The following CFAP221 variants were observed in gnomAD, a reference collection of about 807,000 sequenced individuals.
The protein encoded by CFAP221 is cilia- and flagella-associated protein 221.
In CFAP221, 97 loss-of-function variants were observed where a neutral mutation model predicts 113.1. The ratio of observed to expected loss-of-function variants is 0.86; its 90% CI spans 0.73 to 1.02. CFAP221 has a LOEUF of 1.02. Among genes scored for constraint, CFAP221 ranks in the 50% least tolerant of loss-of-function variants. CFAP221 has a pLI of 0.00. For synonymous variants in CFAP221, 331 were observed against 354.4 expected, an observed-to-expected ratio of 0.93 and a Z score of 0.74; for missense variants, 1,025 against 1,013.4, an observed-to-expected ratio of 1.01 and a Z score of -0.16.
intron 13 of CFAP221, among the ~76,000 whole-genome samples, chr2:119,613,002 G>T (rs572521696): frequency 1.3e-5 from 2 of 152,348 alleles, no homozygotes; most frequent in Admixed American, 1.3e-4. Flanking sequence ...CCAAATGGGA[G>T]AAATTGGCCA....
chr2:119,637,715 A>T (rs1403859758), intron 19 of CFAP221, among the ~76,000 whole-genome samples: 1 of 152,186 alleles, frequency 6.6e-6, no homozygotes, highest in Non-Finnish European at 1.5e-5. Context: ...AAAAAACAGG[A>T]TCTCCCTTAA....
At chr2:119,547,032 T>C (rs1386159526) in intron 2 of CFAP221, among the ~76,000 whole-genome samples, 1 of 152,180 alleles carries the variant, frequency 6.6e-6, no homozygotes, top group Non-Finnish European at 1.5e-5. Context: ...GAGCTGGTGT[T>C]CAGCCACCAG....
chr2:119,585,460 A>G (rs1683147931), intron 6 of CFAP221, among the ~76,000 whole-genome samples: 1 of 152,214 alleles, frequency 6.6e-6, no homozygotes, highest in African/African-American at 2.4e-5. Context: ...GAAGAGGGAG[A>G]GAATTGGGGA....
intron 14 of CFAP221, among the ~76,000 whole-genome samples, chr2:119,623,592 G>A (rs1338127639): frequency 3.9e-5 from 6 of 152,176 alleles, no homozygotes; most frequent in Non-Finnish European, 5.9e-5. Flanking sequence ...AAAGCTGGAG[G>A]CATCATGCTA....
intron 12 of CFAP221, 42 bp downstream of exon 12, chr2:119,608,631 TG>T: frequency 6.5e-7 from 1 of 1,530,470 alleles, no homozygotes; most frequent in Non-Finnish European, 9.0e-7. Context: ...TTTCGCTAGA[TG>T]TTTTTAAATT....
intron 6 of CFAP221, among the ~76,000 whole-genome samples, chr2:119,585,811 G>A (rs1683183861): frequency 6.6e-6 from 1 of 152,170 alleles, no homozygotes; most frequent in African/African-American, 2.4e-5. Flanking sequence ...ATACACTGGA[G>A]ACCCAAATGG....
rs773882710 is a variant in CFAP221, at chr2:119,604,870, T to A, written c.913-6T>A. On this transcript the variant is annotated splice_polypyrimidine_tract_variant and splice_region_variant and intron_variant, in intron 9 of 23. Transcript: ENST00000413369. ...AACTGATTTCCCTATTGATTTGGTC[T>A]CTTAGGAAATTGAGTACCAGAACCT... 1 of 1,613,920 alleles carries A rather than the reference T, an allele frequency of 6.2e-7. No individual in the cohort carries two copies. The highest frequency in any genetic ancestry group is 8.5e-7 in the Non-Finnish European group (1 of 1,179,902).
chr2:119,615,311 C>T (rs1411675979), intron 13 of CFAP221, among the ~76,000 whole-genome samples: 5 of 152,200 alleles, frequency 3.3e-5, no homozygotes, highest in Non-Finnish European at 5.9e-5. Context: ...GTCAGCACCA[C>T]CACATGGGAT....
chr2:119,605,603 A>G (rs1158805222), intron 11 of CFAP221, among the ~76,000 whole-genome samples: 2 of 151,952 alleles, frequency 1.3e-5, no homozygotes, highest in African/African-American at 4.8e-5. Flanking sequence ...TCTCACCCCC[A>G]TCATCCTCCA....
intron 21 of CFAP221, among the ~76,000 whole-genome samples, chr2:119,641,679 A>G (rs556217941): frequency 1.3e-5 from 2 of 152,306 alleles, no homozygotes; most frequent in Admixed American, 6.5e-5. Context: ...TGCCTGGTGC[A>G]TGCTTAGTAA....
At chr2:119,628,270 T>TTCTCTCTC (rs143060958) in intron 16 of CFAP221, among the ~76,000 whole-genome samples, 1 of 142,560 alleles carries the variant, frequency 7.0e-6, no homozygotes, top group Non-Finnish European at 1.5e-5. Flanking sequence ...CACAACCCAC[T>TTCTCTCTC]TCTCTCTCTC....
intron 16 of CFAP221, among the ~76,000 whole-genome samples, chr2:119,628,375 CCTT>C (rs1200439333): frequency 1.0e-4 from 15 of 147,492 alleles, no homozygotes; most frequent in African/African-American, 3.5e-4. Flanking sequence ...AATGGCTCAT[CCTT>C]CTTCCCTTCG....
chr2:119,578,121 T>G (rs1682583984), intron 6 of CFAP221, among the ~76,000 whole-genome samples: 1 of 152,230 alleles, frequency 6.6e-6, no homozygotes, highest in Admixed American at 6.5e-5. Context: ...ACAGGCTACT[T>G]GGGCTTCCTT....
At chr2:119,639,921 TAC>T in intron 21 of CFAP221, 49 bp downstream of exon 21, 2 of 1,476,116 alleles carry the variant, frequency 1.4e-6, no homozygotes, top group South Asian at 2.3e-5. Flanking sequence ...CCCCATGTAT[TAC>T]AGAGGCAATG....
At chr2:119,626,148 C>T (rs1686295804) in intron 15 of CFAP221, among the ~76,000 whole-genome samples, 1 of 152,142 alleles carries the variant, frequency 6.6e-6, no homozygotes, top group Admixed American at 6.5e-5. Flanking sequence ...TAACCTCTTG[C>T]TTCTGTCCTC....
Position 119,544,467 on chromosome 2 carries a change from CGGCGCTGGCGCCGGCCG to C in CFAP221, c.-90_-74del, listed in dbSNP as rs1246132704. On this transcript the variant is annotated 5_prime_UTR_variant, in exon 1 of 24. Transcript: ENST00000413369. ...TCATGGCGACGCTCCGAGCGGGCGC[CGGCGCTGGCGCCGGCCG>C]AATCCGGCCCGGGAACCACCTCCAG... 2.4e-4 allele frequency: 37 copies of C among 151,920 alleles called. No individual in the cohort carries two copies. The highest frequency in any genetic ancestry group is 8.9e-4 in the African/African-American group (37 of 41,524). 9.4% of individuals were successfully genotyped at this position (151,920 alleles called of 1,614,324 possible).
At chr2:119,602,765 G>A in intron 8 of CFAP221, 1 of 985,394 alleles carries the variant, frequency 1.0e-6, no homozygotes, top group Non-Finnish European at 1.2e-6. Context: ...ATAAGCAGGT[G>A]AGCAAAATGG....
chr2:119,610,350 G>A (rs1685065358), intron 12 of CFAP221, among the ~76,000 whole-genome samples: 1 of 152,158 alleles, frequency 6.6e-6, no homozygotes, highest in African/African-American at 2.4e-5. Context: ...ACTCCTGGAG[G>A]CCCCAGGCAT....
intron 16 of CFAP221, among the ~76,000 whole-genome samples, chr2:119,628,586 A>G (rs1484883885): frequency 2.0e-5 from 3 of 152,238 alleles, no homozygotes; most frequent in African/African-American, 2.4e-5. Context: ...TCGAGTTCAC[A>G]TCGTTAGTAA....
Sources: gnomAD v4.1 joint callset for allele counts (sites outside exome capture counted in the v4.1 genomes callset) on GRCh38, gnomAD v4.1.1 for gene constraint, MANE v1.5 for transcripts, NCBI Gene and HGNC (gene_info 2026-07-23, HGNC 2026-07-21) for gene names.